Variants in CTSB observed in about 807,000 individuals in gnomAD.
CTSB encodes APP secretase.
A neutral mutation model predicts 44.3 loss-of-function variants in CTSB; 57 were observed. That is an observed-to-expected ratio of 1.29 (90% CI 1.04 to 1.60). The LOEUF (loss-of-function observed/expected upper bound fraction) is 1.60. Ranked by LOEUF, CTSB falls within the 40% of genes most tolerant of loss-of-function variation. The pLI, the probability that CTSB is intolerant of heterozygous loss-of-function variation, is 0.00. For synonymous variants in CTSB, 320 were observed against 168.0 expected, an observed-to-expected ratio of 1.91 and a Z score of -7.00; for missense variants, 768 against 443.0, an observed-to-expected ratio of 1.73 and a Z score of -6.59.
rs1065712 is a variant in CTSB, at chr8:11,844,613, G to C, written c.*512C>G. 6,293 of 154,308 alleles carry C rather than the reference G, an allele frequency of 0.041. 207 individuals carry two copies. Among genetic ancestry groups the C allele is most frequent in the Non-Finnish European group, 0.06 (4,150 of 69,286 alleles). 9.6% of individuals were successfully genotyped at this position (154,308 alleles called of 1,614,324 possible). A position where few individuals can be genotyped will look rare whatever the true frequency, so the allele number is the denominator to read the frequency against. Reference sequence around the variant, plus strand: ...TATTAAAGAATCATGCTGAGCACAAGATCAGAGAGGTTGTGACATTGCAAA... The same window carrying C: ...TATTAAAGAATCATGCTGAGCACAACATCAGAGAGGTTGTGACATTGCAAA... On this transcript the variant is annotated 3_prime_UTR_variant, in exon 10 of 10. Coordinates refer to ENST00000353047, the MANE Select transcript of CTSB (RefSeq NM_001908.5).
chr8:11,864,510 T>A (rs1163577960), intron 1 of CTSB: 1 of 151,292 alleles, frequency 6.6e-6, no homozygotes. Context: ...AATAAATGAA[T>A]GAATGCATGA....
Position 11,848,104 on chromosome 8 carries a change from T to A in CTSB, c.495A>T (p.Lys165Asn), listed in dbSNP as rs1813791804. 6.2e-7 allele frequency: 1 copy of A among 1,614,122 alleles called. No homozygotes were observed. The highest frequency in any genetic ancestry group is 2.2e-5 in the East Asian group (1 of 44,888). ...CATAGAGGCCACCAGAAACCAGGCC[T>A]TTTCTTGTCCAGAAGTTCCAAGCTT... Reference protein sequence around the residue: ...PAEAWNFWTRKGLVSGGLYES... With the variant: ...PAEAWNFWTRNGLVSGGLYES... Residue 165 changes from lysine (K) to asparagine (N), a missense_variant, in exon 6 of 10, where the codon AAA (lysine) becomes AAT (asparagine). Physicochemically the swap from Lys to Asn is moderately conservative, Grantham distance 94. Transcript: ENST00000353047.
intron 4 of CTSB, 65 bp downstream of exon 4, chr8:11,850,801 C>G (rs748168450): frequency 1.1e-4 from 127 of 1,205,570 alleles, no homozygotes; most frequent in Non-Finnish European, 1.4e-4. Context: ...CCGAATCCCC[C>G]AAGACTCTCC....
chr8:11,843,300 T>G lies in CTSB; in HGVS notation c.*1825A>C, dbSNP rs1479746813. 6.6e-6 allele frequency: 1 copy of G among 152,202 alleles called. No individual in the cohort carries two copies. Among genetic ancestry groups the G allele is most frequent in the Non-Finnish European group, 1.5e-5 (1 of 68,042 alleles). The allele number at this position is 152,202 out of a possible 1,614,324, so 9.4% of individuals were successfully genotyped here. A position where few individuals can be genotyped will look rare whatever the true frequency, so the allele number is the denominator to read the frequency against. On this transcript the variant is annotated 3_prime_UTR_variant, in exon 10 of 10. Coordinates refer to ENST00000353047, the MANE Select transcript of CTSB (RefSeq NM_001908.5). The stretch of plus-strand genomic sequence containing the variant: ...GCTTAACAAACCTTTCCTACAATGT[T>G]CCTCAGATTTTCAGAGCTTATTTGA...
intron 1 of CTSB, among the ~76,000 whole-genome samples, chr8:11,854,226 G>A (rs1460296605): frequency 6.6e-6 from 1 of 152,154 alleles, no homozygotes; most frequent in African/African-American, 2.4e-5. Context: ...ATCCAGGGCT[G>A]GGGAGAGCCG....
chr8:11,856,814 C>T (rs774616203), intron 1 of CTSB, among the ~76,000 whole-genome samples: 7 of 150,092 alleles, frequency 4.7e-5, no homozygotes, highest in Non-Finnish European at 8.8e-5. Context: ...TCGGTCACTA[C>T]GGTGGGGAGA....
rs535854098 is a variant in CTSB at position 11,848,919 on chromosome 8, C to T, written c.446+127G>A. 229 of 656,790 alleles carry T rather than the reference C, an allele frequency of 3.5e-4. No homozygotes were observed. In the African/African-American group the frequency reaches 3.6e-3, roughly 10 times the overall value. The allele number at this position is 656,790 out of a possible 1,614,324, so 40.7% of individuals were successfully genotyped here. A position where few individuals can be genotyped will look rare whatever the true frequency, so the allele number is the denominator to read the frequency against. On this transcript the variant is annotated intron_variant, in intron 5 of 9. Coordinates refer to ENST00000353047, the MANE Select transcript of CTSB (RefSeq NM_001908.5). ...TGCCAGGCCCTGCCTGCCAGACTCT[C>T]GGAGTCTCCCCGAAACACTTCTGAC... is the stretch of plus-strand genomic sequence containing the variant.
At chr8:11,863,685 C>A (rs544927075) in intron 1 of CTSB, among the ~76,000 whole-genome samples, 1 of 152,140 alleles carries the variant, frequency 6.6e-6, no homozygotes, top group Admixed American at 6.5e-5. Flanking sequence ...TGTTGTCCTA[C>A]AGCAAAGATT....
chr8:11,845,123 G>A lies in CTSB; in HGVS notation c.*2C>T. 1 of 1,607,936 alleles carries A rather than the reference G, an allele frequency of 6.2e-7. No individual in the cohort carries two copies. Among genetic ancestry groups the A allele is most frequent in the Non-Finnish European group, 8.5e-7 (1 of 1,174,288 alleles). On this transcript the variant is annotated 3_prime_UTR_variant, in exon 10 of 10. Coordinates refer to ENST00000353047, the MANE Select transcript of CTSB (RefSeq NM_001908.5). ...GGACTGGCACGACAGGCCCACGGCAGATTAGATCTTTTCCCAGTACTGATC... is the reference window on the plus strand; with the variant it reads ...GGACTGGCACGACAGGCCCACGGCAAATTAGATCTTTTCCCAGTACTGATC...
rs1032336770 is a variant in CTSB, at chr8:11,842,633, C to T, written c.*2492G>A. The T allele has an allele frequency of 6.6e-6, 1 of 151,438 alleles. No individual in the cohort carries two copies. Among genetic ancestry groups the T allele is most frequent in the African/African-American group, 2.4e-5 (1 of 41,200 alleles). 9.4% of individuals were successfully genotyped at this position (151,438 alleles called of 1,614,324 possible). A position where few individuals can be genotyped will look rare whatever the true frequency, so the allele number is the denominator to read the frequency against. ...ATGGTAACCTTTGTTAAGCATCTTT[C>T]TTTTTCTTTTTTTTTTTGGTGAGAC... On this transcript the variant is annotated 3_prime_UTR_variant, in exon 10 of 10. Transcript: ENST00000353047.
In CTSB at chr8:11,847,670, G is replaced by GCCCCTTA; in HGVS notation, c.676+2_676+8dup. 1 of 1,527,880 alleles carries GCCCCTTA rather than the reference G, an allele frequency of 6.5e-7. No individual in the cohort carries two copies. Among genetic ancestry groups the GCCCCTTA allele is most frequent in the Non-Finnish European group, 8.8e-7 (1 of 1,141,696 alleles). 94.6% of individuals were successfully genotyped at this position (1,527,880 alleles called of 1,614,324 possible). On this transcript the variant is annotated intron_variant, in intron 7 of 9. Coordinates refer to ENST00000353047, the MANE Select transcript of CTSB (RefSeq NM_001908.5). The stretch of plus-strand genomic sequence containing the variant: ...CACGTGCGCCGTGGCCAGGCCCCAG[G>GCCCCTTA]CCCCTTACCGTAGTGCTTGTCCTGT...
intron 5 of CTSB, 52 bp from the exon 6 acceptor site, chr8:11,848,204 C>G (rs754111482): frequency 3.3e-6 from 5 of 1,516,682 alleles, no homozygotes; most frequent in Admixed American, 1.7e-5. Flanking sequence ...CACCAGCTCT[C>G]CAGACCACTG....
intron 1 of CTSB, 156 bp from the exon 2 acceptor site, chr8:11,853,635 G>T: frequency 1.4e-6 from 1 of 701,696 alleles, no homozygotes; most frequent in Non-Finnish European, 2.2e-6. Context: ...TGGGATCCCC[G>T]CCCCCCTGCC....
chr8:11,845,919 G>A lies in CTSB; in HGVS notation c.794-130C>T, dbSNP rs1047633359. 30 of 1,102,826 alleles carry A rather than the reference G, an allele frequency of 2.7e-5. No homozygotes were observed. The African/African-American group carries it at 4.2e-4, about 15-fold the overall frequency. The allele number at this position is 1,102,826 out of a possible 1,614,324, so 68.3% of individuals were successfully genotyped here. On this transcript the variant is annotated intron_variant, in intron 8 of 9. Transcript: ENST00000353047. ...CCAGAGGGAACCTGCTGCTCCACCA[G>A]GAGGCTCCAGGGGGGGTCCCACAAT...
chr8:11,846,927 A>C, intron 8 of CTSB, 125 bp downstream of exon 8: 3 of 691,630 alleles, frequency 4.3e-6, no homozygotes, highest in South Asian at 1.6e-5. Flanking sequence ...GGCCCCACAC[A>C]GCCCTCTTCC....
intron 1 of CTSB, among the ~76,000 whole-genome samples, chr8:11,862,991 A>G (rs1256958138): frequency 6.6e-6 from 1 of 152,134 alleles, no homozygotes; most frequent in Non-Finnish European, 1.5e-5. Context: ...CCAGCCACAC[A>G]TCCTTCTCAG....
intron 1 of CTSB, among the ~76,000 whole-genome samples, chr8:11,860,264 T>C (rs1816219601): frequency 6.6e-6 from 1 of 152,136 alleles, no homozygotes; most frequent in African/African-American, 2.4e-5. Flanking sequence ...CATGCAGTAT[T>C]TTGCTCTTCC....
Position 11,847,895 on chromosome 8 carries a change from G to C in CTSB, c.533-73C>G, listed in dbSNP as rs552134104. 28 of 1,429,938 alleles carry C rather than the reference G, an allele frequency of 2.0e-5. 1 individual carries two copies. The highest frequency in any genetic ancestry group is 4.0e-4 in the Middle Eastern group (2 of 4,988). 88.6% of individuals were successfully genotyped at this position (1,429,938 alleles called of 1,614,324 possible). A position where few individuals can be genotyped will look rare whatever the true frequency, so the allele number is the denominator to read the frequency against. ...GAAGACCTGGGGCAAGGCAAGCCTC[G>C]TGCCTGCAGCATGGACGCCAGGCAG... On this transcript the variant is annotated intron_variant, in intron 6 of 9. Coordinates refer to ENST00000353047, the MANE Select transcript of CTSB (RefSeq NM_001908.5).
intron 1 of CTSB, 86 bp from the exon 2 acceptor site, chr8:11,853,565 T>C: frequency 7.4e-7 from 1 of 1,359,332 alleles, no homozygotes. Flanking sequence ...CGGGCATCAG[T>C]GGGGACCCCC....
Sources: gnomAD v4.1 joint callset for allele counts (sites outside exome capture counted in the v4.1 genomes callset) on GRCh38, gnomAD v4.1.1 for gene constraint, MANE v1.5 for transcripts, NCBI Gene and HGNC (gene_info 2026-07-23, HGNC 2026-07-21) for gene names.